The following NTM variants were observed in gnomAD, a reference collection of about 807,000 sequenced individuals.
NTM encodes the protein neurotrimin.
NTM carries 13 observed loss-of-function variants against 42.1 expected under a neutral mutation model. The ratio of observed to expected loss-of-function variants is 0.31; its 90% CI spans 0.20 to 0.49. NTM has a LOEUF of 0.49. Among genes scored for constraint, NTM ranks in the 20% least tolerant of loss-of-function variants. The pLI is 0.99. For missense variants in NTM, 373 were observed against 452.8 expected (o/e 0.82, Z 1.60); for synonymous variants, 187 against 179.2 (o/e 1.04, Z -0.35).
At chr11:131,397,050 A>C (rs1467816419) in intron 1 of NTM, among the ~76,000 whole-genome samples, 1 of 152,152 alleles carries the variant, frequency 6.6e-6, no homozygotes, top group East Asian at 1.9e-4. Flanking sequence ...TAACTGGGAA[A>C]AAGTGGTCCT....
chr11:132,280,597 T>C (rs1485879064), intron 4 of NTM, among the ~76,000 whole-genome samples: 4 of 150,922 alleles, frequency 2.7e-5, no homozygotes, highest in Non-Finnish European at 5.9e-5. Context: ...GCGATTCTCC[T>C]GTCTCAGCCT....
chr11:131,886,902 T>A (rs1263886937), intron 1 of NTM, among the ~76,000 whole-genome samples: 1 of 152,224 alleles, frequency 6.6e-6, no homozygotes, highest in East Asian at 1.9e-4. Context: ...TACTGTGCGT[T>A]AGGCACTGTT....
intron 1 of NTM, among the ~76,000 whole-genome samples, chr11:131,825,731 G>A (rs2042048528): frequency 6.6e-6 from 1 of 152,110 alleles, no homozygotes; most frequent in African/African-American, 2.4e-5. Flanking sequence ...CAATTAATAG[G>A]ACCAGTTAAT....
intron 1 of NTM, among the ~76,000 whole-genome samples, chr11:131,401,860 A>ATATATT (rs1350900091): frequency 1.9e-5 from 2 of 107,732 alleles, no homozygotes; most frequent in South Asian, 3.1e-4. Context: ...ATATATATAT[A>ATATATT]TTTTAATTTA....
At chr11:132,320,159 A>G (rs1016562540) in intron 7 of NTM, among the ~76,000 whole-genome samples, 1 of 152,208 alleles carries the variant, frequency 6.6e-6, no homozygotes, top group African/African-American at 2.4e-5. Flanking sequence ...AACCACAAAG[A>G]TGGGATAAAA....
intron 1 of NTM, among the ~76,000 whole-genome samples, chr11:131,888,883 A>G (rs1046215294): frequency 6.6e-6 from 1 of 151,896 alleles, no homozygotes; most frequent in Non-Finnish European, 1.5e-5. Flanking sequence ...CATCGGCGAC[A>G]TAGAATCTAG....
In NTM at chr11:132,319,059, A is replaced by AACTT. The variant is rs1222923182; in HGVS notation, c.934+4359_934+4362dup. 1.9e-4 allele frequency among the ~76,000 whole-genome samples: 29 copies of AACTT among 152,366 alleles called. No homozygotes were observed. In the East Asian group the frequency reaches 4.2e-3, roughly 22 times the overall value. On this transcript the variant is annotated intron_variant, in intron 7 of 8. Transcript: ENST00000683400. ...CTTATTCAGATTCAACCTATGATTCAACTTACGTTTATTGAACCTCCATGT... is the reference window on the plus strand; with the variant it reads ...CTTATTCAGATTCAACCTATGATTCAACTTACTTACGTTTATTGAACCTCCATGT...
chr11:132,235,993 G>GACACACACACAC (rs367555812), intron 4 of NTM, among the ~76,000 whole-genome samples: 3 of 101,200 alleles, frequency 3.0e-5, no homozygotes, highest in Non-Finnish European at 4.8e-5. Context: ...CACACACACA[G>GACACACACACAC]ACACACACAC....
chr11:131,623,771 C>T lies in NTM; in HGVS notation c.82+252883C>T, dbSNP rs2137683515. ...GGAAGCACACAGCCCAATTTAAGCA[C>T]CCAATGTGTAGGCTGGGAATGGAAA... On this transcript the variant is annotated intron_variant, in intron 1 of 8. Transcript: ENST00000683400. Among the ~76,000 whole-genome samples the T allele has an allele frequency of 2.6e-5, 4 of 152,344 alleles. No homozygotes were observed. In the Middle Eastern group the frequency reaches 0.014, roughly 518 times the overall value.
At chr11:132,013,987 C>T (rs921797283) in intron 2 of NTM, among the ~76,000 whole-genome samples, 16 of 151,818 alleles carry the variant, frequency 1.1e-4, no homozygotes, top group Admixed American at 6.6e-5. Flanking sequence ...ATTCCTATAT[C>T]GTATGTCCTT....
chr11:132,308,605 T>C (rs987999326), intron 5 of NTM, among the ~76,000 whole-genome samples: 1 of 151,796 alleles, frequency 6.6e-6, no homozygotes, highest in Non-Finnish European at 1.5e-5. Flanking sequence ...TAGAACTCAA[T>C]AACTAAATCG....
At chr11:132,190,630 A>G (rs984729914) in intron 3 of NTM, among the ~76,000 whole-genome samples, 1 of 151,688 alleles carries the variant, frequency 6.6e-6, no homozygotes, top group Non-Finnish European at 1.5e-5. Flanking sequence ...CCAGCTACTC[A>G]GGAGGCTGAG....
chr11:131,455,245 G>A (rs1950781379), intron 1 of NTM, among the ~76,000 whole-genome samples: 1 of 152,174 alleles, frequency 6.6e-6, no homozygotes, highest in South Asian at 2.1e-4. Flanking sequence ...GGTTCATAAG[G>A]CTTGGCCACA....
At chr11:131,967,324 C>T (rs1455504829) in intron 2 of NTM, among the ~76,000 whole-genome samples, 2 of 152,152 alleles carry the variant, frequency 1.3e-5, no homozygotes, top group East Asian at 1.9e-4. Flanking sequence ...ACCCACAGTT[C>T]GAAACTTTAA....
At chr11:132,042,466 A>G (rs549325405) in intron 2 of NTM, among the ~76,000 whole-genome samples, 50 of 152,298 alleles carry the variant, frequency 3.3e-4, no homozygotes, top group African/African-American at 1.1e-3. Context: ...AACCTTTTCA[A>G]TGTCCCAGAT....
At chr11:131,834,626 A>ATATATATATATATATATATATATG (rs2043250876) in intron 1 of NTM, among the ~76,000 whole-genome samples, 1 of 13,210 alleles carries the variant, frequency 7.6e-5, no homozygotes, top group Non-Finnish European at 1.5e-4. Flanking sequence ...ATACATATAC[A>ATATATATATATATATATATATATG]TATATATATA....
intron 2 of NTM, among the ~76,000 whole-genome samples, chr11:132,077,117 G>A (rs997768869): frequency 7.9e-5 from 12 of 152,106 alleles, no homozygotes; most frequent in South Asian, 4.1e-4. Flanking sequence ...AGTCATTGCC[G>A]CCAGCCAACC....
intron 1 of NTM, among the ~76,000 whole-genome samples, chr11:131,861,523 T>C (rs2046635651): frequency 6.6e-6 from 1 of 152,204 alleles, no homozygotes; most frequent in Non-Finnish European, 1.5e-5. Flanking sequence ...AACAACTTGA[T>C]AGATTTTCCG....
At chr11:131,963,252 C>T (rs1322452522) in intron 2 of NTM, among the ~76,000 whole-genome samples, 1 of 152,128 alleles carries the variant, frequency 6.6e-6, no homozygotes, top group Non-Finnish European at 1.5e-5. Flanking sequence ...CAGGTGTGAC[C>T]CAGAGCAGCG....
Sources: gnomAD v4.1 joint callset for allele counts (sites outside exome capture counted in the v4.1 genomes callset) on GRCh38, gnomAD v4.1.1 for gene constraint, MANE v1.5 for transcripts, NCBI Gene and HGNC (gene_info 2026-07-23, HGNC 2026-07-21) for gene names.